The following MYZAP variants were observed in gnomAD, a reference collection of about 807,000 sequenced individuals.
MYZAP encodes myocardial zonula adherens protein.
Under a neutral mutation model 69.4 loss-of-function variants are expected in MYZAP, and 66 were observed. The ratio of observed to expected loss-of-function variants is 0.95; its 90% confidence interval spans 0.78 to 1.17. The LOEUF is 1.17. MYZAP is among the 50% of genes most tolerant of loss of function. The probability of loss-of-function intolerance (pLI) is 0.00; values close to 1 mark genes in which losing one functional copy is unlikely to be tolerated. For synonymous variants in MYZAP, 256 were observed against 205.9 expected, an observed-to-expected ratio of 1.24 and a Z score of -2.09; for missense variants, 611 against 556.2, an observed-to-expected ratio of 1.10 and a Z score of -0.99.
chr15:57,655,474 TC>T (rs1247099484), intron 10 of MYZAP, among the ~76,000 whole-genome samples: 1 of 152,180 alleles, frequency 6.6e-6, no homozygotes, highest in Non-Finnish European at 1.5e-5. Context: ...TAGTCTGCAT[TC>T]CTGGTACCAG....
At chr15:57,675,173 A>G (rs1462957459) in intron 12 of MYZAP, 105 bp downstream of exon 12, 10 of 1,064,378 alleles carry the variant, frequency 9.4e-6, no homozygotes, top group African/African-American at 3.2e-5. Context: ...TCCTATCACA[A>G]ATATTTCTGC....
At chr15:57,618,291 A>C in intron 3 of MYZAP, 103 bp downstream of exon 3, 2 of 1,486,228 alleles carry the variant, frequency 1.3e-6, no homozygotes, top group Non-Finnish European at 1.8e-6. Context: ...GCATTTTGAA[A>C]GAATTCTTAG....
At chr15:57,656,606 G>A (rs924176871) in intron 10 of MYZAP, among the ~76,000 whole-genome samples, 11 of 152,162 alleles carry the variant, frequency 7.2e-5, no homozygotes, top group African/African-American at 1.4e-4. Flanking sequence ...AGCTGAGTGC[G>A]TCACTTGGGA....
At position 57,654,672 on chromosome 15, in the gene MYZAP, A is replaced by G. The variant is rs1026590666; in HGVS notation, c.1120-6778A>G. 3.9e-5 allele frequency among the ~76,000 whole-genome samples: 6 copies of G among 152,312 alleles called. No individual in the cohort carries two copies. In the Middle Eastern group the frequency reaches 0.01, roughly 259 times the overall value. ...GTGCTACTCACATGACTACAATGCT[A>G]CAGCCATCTCATTTTCTGTCCTCTG... On this transcript the variant is annotated intron_variant, in intron 10 of 12. Coordinates refer to ENST00000267853, the MANE Select transcript of MYZAP (RefSeq NM_001018100.5).
intron 11 of MYZAP, among the ~76,000 whole-genome samples, chr15:57,671,241 C>T (rs963085257): frequency 1.3e-5 from 2 of 152,020 alleles, no homozygotes. Flanking sequence ...CTCATTGTTT[C>T]TGGGTTCCAT....
chr15:57,622,015 G>GT (rs1324912018), intron 4 of MYZAP, among the ~76,000 whole-genome samples: 3 of 152,004 alleles, frequency 2.0e-5, no homozygotes, highest in Non-Finnish European at 2.9e-5. Context: ...AAACATATAG[G>GT]TTTAAACATG....
intron 10 of MYZAP, chr15:57,646,284 TTATC>T (rs1280523486): frequency 7.9e-7 from 1 of 1,271,582 alleles, no homozygotes; most frequent in East Asian, 5.6e-5. Flanking sequence ...GAGGTGGTAT[TTATC>T]TATGATGAGC....
intron 1 of MYZAP, chr15:57,599,556 C>G (rs2034281565): frequency 5.5e-6 from 7 of 1,282,930 alleles, no homozygotes; most frequent in Middle Eastern, 2.3e-4. Flanking sequence ...TTGTGCATAA[C>G]ACAAGCCCTG....
At chr15:57,681,443 A>G (rs2039436518) in intron 12 of MYZAP, among the ~76,000 whole-genome samples, 1 of 152,240 alleles carries the variant, frequency 6.6e-6, no homozygotes, top group South Asian at 2.1e-4. Flanking sequence ...CCTTAAAGAA[A>G]TTATACCTAG....
chr15:57,668,544 AG>A (rs1327205689), intron 11 of MYZAP, among the ~76,000 whole-genome samples: 38 of 152,316 alleles, frequency 2.5e-4, no homozygotes, highest in African/African-American at 8.2e-4. Flanking sequence ...TAAAAACAAA[AG>A]AAAATAAATT....
intron 1 of MYZAP, among the ~76,000 whole-genome samples, chr15:57,601,336 C>A (rs1178135778): frequency 6.6e-6 from 1 of 150,518 alleles, no homozygotes; most frequent in Non-Finnish European, 1.5e-5. Flanking sequence ...CTTTTCCCTG[C>A]AGAATTATGC....
Position 57,625,775 on chromosome 15 carries a change from C to G in MYZAP, c.412-4C>G. 6.2e-7 allele frequency: 1 copy of G among 1,613,912 alleles called. No homozygotes were observed. Among genetic ancestry groups the G allele is most frequent in the Non-Finnish European group, 8.5e-7 (1 of 1,179,896 alleles). On this transcript the variant is annotated splice_polypyrimidine_tract_variant and splice_region_variant and intron_variant, in intron 4 of 12. Coordinates refer to ENST00000267853, the MANE Select transcript of MYZAP (RefSeq NM_001018100.5). ...TTGTGTGACTGTCTCCTCGATCTGT[C>G]CAGGTTTCCCATGCTCAGCAGGAGT...
chr15:57,677,385 C>A (rs1284934029), intron 12 of MYZAP, among the ~76,000 whole-genome samples: 43 of 152,208 alleles, frequency 2.8e-4, no homozygotes, highest in Admixed American at 2.8e-3. Context: ...GATGCCAGAA[C>A]TGGGGCTCAG....
At chr15:57,632,962 C>T (rs1036020058) in intron 7 of MYZAP, among the ~76,000 whole-genome samples, 2 of 152,152 alleles carry the variant, frequency 1.3e-5, no homozygotes, top group African/African-American at 4.8e-5. Flanking sequence ...TCTCTCCATG[C>T]CTGGAGTCTC....
At chr15:57,672,508 G>A (rs1373903452) in intron 11 of MYZAP, among the ~76,000 whole-genome samples, 1 of 28,662 alleles carries the variant, frequency 3.5e-5, no homozygotes, top group Admixed American at 5.8e-4. Context: ...AGTGTGTTGA[G>A]TGCATACTCC....
At chr15:57,642,303 T>A (rs565645056) in intron 10 of MYZAP, among the ~76,000 whole-genome samples, 58 of 152,338 alleles carry the variant, frequency 3.8e-4, no homozygotes, top group African/African-American at 1.3e-3. Flanking sequence ...AGCTCAGCCT[T>A]ATCATTATGT....
intron 11 of MYZAP, among the ~76,000 whole-genome samples, chr15:57,669,105 T>C (rs2038748433): frequency 6.6e-6 from 1 of 152,034 alleles, no homozygotes. Flanking sequence ...CCCGGGCTGG[T>C]CTCGAACTCC....
intron 9 of MYZAP, among the ~76,000 whole-genome samples, chr15:57,639,213 T>A (rs1490552820): frequency 3.6e-5 from 5 of 138,376 alleles, no homozygotes; most frequent in Admixed American, 2.1e-4. Context: ...TTTATTTATT[T>A]ATTTTTTTTT....
chr15:57,593,221 A>G (rs529363611), intron 1 of MYZAP, among the ~76,000 whole-genome samples: 2 of 77,082 alleles, frequency 2.6e-5, no homozygotes, highest in African/African-American at 1.1e-4. Flanking sequence ...CACACCCCAG[A>G]ATCCATCAGT....
Sources: gnomAD v4.1 joint callset for allele counts (sites outside exome capture counted in the v4.1 genomes callset) on GRCh38, gnomAD v4.1.1 for gene constraint, MANE v1.5 for transcripts, NCBI Gene and HGNC (gene_info 2026-07-23, HGNC 2026-07-21) for gene names.